The following PNPLA7 variants were observed in gnomAD, a reference collection of about 807,000 sequenced individuals.
PNPLA7 encodes the protein patatin-like phospholipase domain-containing protein 7.
Under a neutral mutation model 161.7 loss-of-function variants are expected in PNPLA7, and 153 were observed. The observed-to-expected ratio is 0.95, with a 90% CI of 0.83 to 1.08. The LOEUF (loss-of-function observed/expected upper bound fraction) is 1.08, where lower values mean the gene tolerates loss of function less well. PNPLA7 is among the 50% of genes least tolerant of loss of function. The probability of loss-of-function intolerance (pLI) is 0.00; values close to 1 mark genes in which losing one functional copy is unlikely to be tolerated. For missense variants in PNPLA7, 1,739 were observed against 1,856.6 expected, an observed-to-expected ratio of 0.94 and a Z score of 1.16; for synonymous variants, 809 against 782.1, an observed-to-expected ratio of 1.03 and a Z score of -0.57.
In PNPLA7 at chr9:137,467,267, G is replaced by T. The variant is rs774685074; in HGVS notation, c.3039+50C>A. 6 of 1,559,104 alleles carry T rather than the reference G, an allele frequency of 3.8e-6. No homozygotes were observed. In the South Asian group the frequency reaches 7.1e-5, roughly 18 times the overall value. ...ACGGCCCCAGCGTCCCCCAGCACCA[G>T]CAAGGACCTGGGGGCTGTGCTCCGG... On this transcript the variant is annotated intron_variant, in intron 26 of 34. Transcript: ENST00000406427. The surrounding 1 kb of genome is among the most constrained non-coding windows in gnomAD (Gnocchi z 5.1).
chr9:137,522,436 C>T (rs573718666), intron 9 of PNPLA7, among the ~76,000 whole-genome samples: 5 of 152,276 alleles, frequency 3.3e-5, no homozygotes, highest in South Asian at 2.1e-4. Flanking sequence ...GTGATCCGCC[C>T]GCCTCGGCCT....
Position 137,462,822 on chromosome 9 carries a change from G to A in PNPLA7, c.3355C>T (p.Arg1119Trp), listed in dbSNP as rs546269845. 1.4e-5 allele frequency: 23 copies of A among 1,613,802 alleles called. No individual in the cohort carries two copies. Among genetic ancestry groups the A allele is most frequent in the East Asian group, 4.5e-5 (2 of 44,876 alleles). Residue 1119 changes from arginine (R) to tryptophan (W), a missense_variant, in exon 30 of 35, where the codon CGG (arginine) becomes TGG (tryptophan). Physicochemically the swap from Arg to Trp is moderately radical, Grantham distance 101 (BLOSUM62 -3). This residue lies in a region of PNPLA7 where 703 missense variants were observed against 694.6 expected (regional missense o/e 1.01). Coordinates refer to ENST00000406427, the MANE Select transcript of PNPLA7 (RefSeq NM_001098537.3). The part of the protein sequence containing the change: ...YINNLPADVA[R>W]SMGAKVVIAI... ...ATCACCACTTTTGCCCCCATGGACC[G>A]GGCCACATCCGCTAGGGAGAAGCCA...
At chr9:137,527,555 T>G (rs1208875561) in intron 8 of PNPLA7, among the ~76,000 whole-genome samples, 1 of 152,240 alleles carries the variant, frequency 6.6e-6, no homozygotes, top group African/African-American at 2.4e-5. Context: ...GAACATTACA[T>G]CAACTGATTT....
chr9:137,478,954 G>C, intron 24 of PNPLA7, 102 bp downstream of exon 24: 1 of 1,367,096 alleles, frequency 7.3e-7, no homozygotes, highest in Non-Finnish European at 9.8e-7. Flanking sequence ...GCCCAGGAGC[G>C]CAGGTGTCAG....
At position 137,467,559 on chromosome 9, in the gene PNPLA7, C is replaced by T; in HGVS notation, c.2883-86G>A. 2.0e-6 allele frequency: 3 copies of T among 1,505,936 alleles called. No individual in the cohort carries two copies. The highest frequency in any genetic ancestry group is 2.7e-6 in the Non-Finnish European group (3 of 1,111,424). The allele number at this position is 1,505,936 out of a possible 1,614,324, so 93.3% of individuals were successfully genotyped here. A position where few individuals can be genotyped will look rare whatever the true frequency, so the allele number is the denominator to read the frequency against. ...AGGCCTTGTGCTCATCCTCAGTTCC[C>T]AACTCCTCCACAGGCAGAGACGCTG... is the stretch of plus-strand genomic sequence containing the variant. On this transcript the variant is annotated intron_variant, in intron 25 of 34. Transcript: ENST00000406427. This position sits in a 1 kb window ranked among gnomAD's most constrained non-coding sequence, Gnocchi z 5.1.
chr9:137,546,491 G>A (rs1478322643), intron 4 of PNPLA7, among the ~76,000 whole-genome samples: 1 of 152,124 alleles, frequency 6.6e-6, no homozygotes, highest in Non-Finnish European at 1.5e-5. Context: ...CCGACCCTGT[G>A]GGGCTGGGCC....
At chr9:137,512,178 CCT>C (rs1383435812) in intron 12 of PNPLA7, among the ~76,000 whole-genome samples, 2 of 152,264 alleles carry the variant, frequency 1.3e-5, no homozygotes, top group East Asian at 1.9e-4. Context: ...ACCCTACACC[CCT>C]GAGCCAAGCA....
chr9:137,474,560 C>T (rs1038488713), intron 25 of PNPLA7, among the ~76,000 whole-genome samples: 6 of 152,110 alleles, frequency 3.9e-5, no homozygotes, highest in South Asian at 4.1e-4. Flanking sequence ...GGGAAACGCA[C>T]GCGGACCTCA....
intron 21 of PNPLA7, 31 bp downstream of exon 21, chr9:137,484,556 G>C (rs567347899): frequency 1.3e-6 from 2 of 1,559,598 alleles, no homozygotes; most frequent in East Asian, 4.6e-5. Flanking sequence ...AGAACCCAAG[G>C]ATGGCTGGAG....
intron 12 of PNPLA7, chr9:137,508,688 C>G (rs1224067956): frequency 1.3e-5 from 2 of 152,104 alleles, no homozygotes; most frequent in Non-Finnish European, 2.9e-5. Flanking sequence ...ATCTTACAGA[C>G]AGATTTCTTA....
At chr9:137,484,055 C>G (rs1392753439) in intron 21 of PNPLA7, among the ~76,000 whole-genome samples, 1 of 151,936 alleles carries the variant, frequency 6.6e-6, no homozygotes, top group Non-Finnish European at 1.5e-5. Context: ...CCTGACTCAG[C>G]CTCCCCAGTA....
In PNPLA7 at chr9:137,498,196, CCA is replaced by C. The variant is rs770443544; in HGVS notation, c.1805_1806del (p.Val602GlyfsTer52). 8.1e-5 allele frequency: 130 copies of C among 1,612,664 alleles called. No individual in the cohort carries two copies. Among genetic ancestry groups the C allele is most frequent in the Admixed American group, 1.8e-4 (11 of 60,012 alleles). On this transcript the variant is annotated frameshift_variant, in exon 17 of 35. Coordinates refer to ENST00000406427, the MANE Select transcript of PNPLA7 (RefSeq NM_001098537.3). LOFTEE classifies it high-confidence loss of function. The stretch of plus-strand genomic sequence containing the variant: ...CGCACGAAGGACGACATCCTCTTCA[CCA>C]CAGTGTGCGCCACACCCAGGACGAC... ...PTVVLGVAHT[V>X]VKRMSSFVRQ... is the part of the protein sequence containing the mutation.
chr9:137,505,087 C>G (rs1163522826), intron 14 of PNPLA7, among the ~76,000 whole-genome samples: 1 of 146,400 alleles, frequency 6.8e-6, no homozygotes, highest in Non-Finnish European at 1.5e-5. Flanking sequence ...ACTTGGGAGG[C>G]TGAGGCAGGA....
chr9:137,493,211 G>C, intron 19 of PNPLA7, 129 bp from the exon 20 acceptor site: 1 of 941,434 alleles, frequency 1.1e-6, no homozygotes, highest in Non-Finnish European at 1.7e-6. Context: ...AAACCTCCAT[G>C]AACTGAGTTG....
Position 137,500,750 on chromosome 9 carries a change from G to C in PNPLA7, c.1698C>G (p.Phe566Leu). ...LAVLTGEPLI[F>L]TVKANRDCSF... The stretch of plus-strand genomic sequence containing the variant: ...TGCAGTCCCTGTTGGCCTTGACGGT[G>C]AAGATGAGAGGCTCCCCGGTGAGCA... The change falls in exon 16 of 35, where the codon TTC becomes TTG. Residue 566 changes from phenylalanine (F) to leucine (L), a missense_variant. By Grantham distance (22) the Phe-to-Leu change is conservative. Around this residue, in one of 6 missense-constraint regions of PNPLA7, gnomAD observed 481 missense variants for 450.0 expected, o/e 1.07. Transcript: ENST00000406427. This position sits in a 1 kb window ranked among gnomAD's most constrained non-coding sequence, Gnocchi z 5.5. 1 of 1,612,504 alleles carries C rather than the reference G, an allele frequency of 6.2e-7. No individual in the cohort carries two copies. Among genetic ancestry groups the C allele is most frequent in the Non-Finnish European group, 8.5e-7 (1 of 1,179,896 alleles).
chr9:137,482,395 G>A (rs1588567065), intron 21 of PNPLA7, among the ~76,000 whole-genome samples: 1 of 152,364 alleles, frequency 6.6e-6, no homozygotes, highest in South Asian at 2.1e-4. Context: ...CGATGACTCA[G>A]CACCAAAAAG....
intron 8 of PNPLA7, among the ~76,000 whole-genome samples, chr9:137,536,161 A>G (rs536338808): frequency 6.6e-6 from 1 of 152,166 alleles, no homozygotes; most frequent in East Asian, 1.9e-4. Flanking sequence ...ACAAAAAAAA[A>G]AAAAAGAAAA....
In PNPLA7 at chr9:137,528,943, G is replaced by A. The variant is rs1034407117; in HGVS notation, c.748-6086C>T. The stretch of plus-strand genomic sequence containing the variant: ...TCTCGATCTCCTGACCTCGTGATCC[G>A]CCCGCCTCGGCCTCCCAAAGTGCTG... On this transcript the variant is annotated intron_variant, in intron 8 of 34. Transcript: ENST00000406427. Among the ~76,000 whole-genome samples the A allele has an allele frequency of 8.7e-5, 13 of 149,508 alleles. No individual in the cohort carries two copies. The East Asian group carries it at 1.2e-3, about 14-fold the overall frequency.
chr9:137,480,625 C>T (rs891846080), intron 22 of PNPLA7, 145 bp from the exon 23 acceptor site: 60 of 955,346 alleles, frequency 6.3e-5, no homozygotes, highest in South Asian at 5.2e-4. Flanking sequence ...ATCGCTAGTT[C>T]GCAGTGAGTT....
Sources: allele counts gnomAD v4.1 joint callset (sites outside exome capture counted in the v4.1 genomes callset), GRCh38; gene constraint gnomAD v4.1.1; regional missense constraint gnomAD v4.1.1; non-coding constraint Gnocchi (gnomAD v3.1); transcripts MANE v1.5; gene names NCBI Gene and HGNC (gene_info 2026-07-23, HGNC 2026-07-21).